Variants in CLIP2 observed in about 807,000 individuals in gnomAD.
The protein encoded by CLIP2 is CAP-Gly domain containing linker protein 2, also known as CAP-Gly domain-containing linker protein 2.
CLIP2 carries 41 observed loss-of-function variants against 111.7 expected under a neutral mutation model. The observed-to-expected ratio is 0.37, with a 90% CI of 0.29 to 0.48. The LOEUF is 0.48. Among genes scored for constraint, CLIP2 ranks in the 20% least tolerant of loss-of-function variants. CLIP2 has a pLI of 0.99. For synonymous variants in CLIP2, 660 were observed against 644.2 expected (o/e 1.02, Z -0.37); for missense variants, 1,160 against 1,422.1 (o/e 0.82, Z 2.96).
Position 74,353,886 on chromosome 7 carries a change from G to T in CLIP2, c.685G>T (p.Gly229Trp), listed in dbSNP as rs782481975. The T allele has an allele frequency of 6.2e-7, 1 of 1,614,062 alleles. No homozygotes were observed. The highest frequency in any genetic ancestry group is 8.5e-7 in the Non-Finnish European group (1 of 1,180,034). ...LRLGDRVLVG[G>W]TKTGVVRYVG... ...TCTCCCTGTGTGCCGACAGGTTGGC[G>T]GGACGAAGACTGGCGTGGTGCGGTA... The change falls in exon 4 of 17, where the codon GGG becomes TGG. Residue 229 changes from glycine (G) to tryptophan (W), a missense_variant. Physicochemically the swap from Gly to Trp is radical, Grantham distance 184 (BLOSUM62 -2). Transcript: ENST00000223398.
chr7:74,309,157 C>T (rs1788574611), intron 1 of CLIP2, among the ~76,000 whole-genome samples: 1 of 151,924 alleles, frequency 6.6e-6, no homozygotes, highest in East Asian at 2.0e-4. Context: ...GTATAAGCCA[C>T]TATGCCCGGC....
At chr7:74,298,616 T>C (rs1788239405) in intron 1 of CLIP2, among the ~76,000 whole-genome samples, 1 of 152,018 alleles carries the variant, frequency 6.6e-6, no homozygotes, top group African/African-American at 2.4e-5. Flanking sequence ...CACTGCGGCC[T>C]CCGCCTCCTG....
At chr7:74,402,315 G>A (rs1467816102) in intron 16 of CLIP2, among the ~76,000 whole-genome samples, 2 of 141,032 alleles carry the variant, frequency 1.4e-5, no homozygotes, top group East Asian at 2.1e-4. Flanking sequence ...GGGCGACAGA[G>A]CGAGACTCCA....
At position 74,349,472 on chromosome 7, in the gene CLIP2, A is replaced by G. The variant is rs1229673645; in HGVS notation, c.679-4408A>G. 7.8e-3 allele frequency among the ~76,000 whole-genome samples: 481 copies of G among 61,408 alleles called. 2 individuals carry two copies. Among genetic ancestry groups the G allele is most frequent in the African/African-American group, 0.024 (256 of 10,596 alleles). 40.3% of individuals were successfully genotyped at this position (61,408 alleles called of 152,430 possible). A position where few individuals can be genotyped will look rare whatever the true frequency, so the allele number is the denominator to read the frequency against. On this transcript the variant is annotated intron_variant, in intron 3 of 16. Transcript: ENST00000223398. Reference sequence around the variant, plus strand: ...AGTATGTATGTGTGTGTGTGTGTGTATATATATATATATATATATATATAT... The same window carrying G: ...AGTATGTATGTGTGTGTGTGTGTGTGTATATATATATATATATATATATAT...
chr7:74,396,191 A>T (rs563509297), intron 13 of CLIP2, among the ~76,000 whole-genome samples: 2 of 152,290 alleles, frequency 1.3e-5, no homozygotes, highest in African/African-American at 4.8e-5. Flanking sequence ...CATTATCATC[A>T]TAGTACTCCA....
Position 74,376,931 on chromosome 7 carries a change from G to A in CLIP2, c.2421+109G>A. ...GGAAGCATTTCCCTTGTCCCCGAGA[G>A]CATGCCTGGGGCAGTCAAGGAAGGG... is the stretch of plus-strand genomic sequence containing the variant. On this transcript the variant is annotated intron_variant, in intron 10 of 16. Coordinates refer to ENST00000223398, the MANE Select transcript of CLIP2 (RefSeq NM_003388.5). The surrounding 1 kb of genome is among the most constrained non-coding windows in gnomAD (Gnocchi z 7.1). 1 of 1,132,808 alleles carries A rather than the reference G, an allele frequency of 8.8e-7. No homozygotes were observed. The highest frequency in any genetic ancestry group is 1.2e-6 in the Non-Finnish European group (1 of 823,094). 70.2% of individuals were successfully genotyped at this position (1,132,808 alleles called of 1,614,324 possible). A position where few individuals can be genotyped will look rare whatever the true frequency, so the allele number is the denominator to read the frequency against.
Position 74,399,936 on chromosome 7 carries a change from C to T in CLIP2, c.2881-434C>T, listed in dbSNP as rs565218019. Reference sequence around the variant, plus strand: ...TTGGGAAGCCGAGGCGGGTGGATCACGAGGTCAGGAGATTGAGACCATCCT... The same window carrying T: ...TTGGGAAGCCGAGGCGGGTGGATCATGAGGTCAGGAGATTGAGACCATCCT... On this transcript the variant is annotated intron_variant, in intron 14 of 16. Coordinates refer to ENST00000223398, the MANE Select transcript of CLIP2 (RefSeq NM_003388.5). Among the ~76,000 whole-genome samples the T allele has an allele frequency of 7.3e-5, 11 of 151,364 alleles. No individual in the cohort carries two copies. In the South Asian group the frequency reaches 1.5e-3, roughly 20 times the overall value.
At position 74,356,664 on chromosome 7, in the gene CLIP2, T is replaced by C. The variant is rs1203961688; in HGVS notation, c.1017+41T>C. On this transcript the variant is annotated intron_variant, in intron 5 of 16. Coordinates refer to ENST00000223398, the MANE Select transcript of CLIP2 (RefSeq NM_003388.5). ...CAGAAGGGGATTCTCTGGTGTGCGT[T>C]TGGGAGGGGTGAGGATGTAAGAGAT... The C allele has an allele frequency of 3.2e-6, 5 of 1,555,520 alleles. No homozygotes were observed. The African/African-American group carries it at 4.1e-5, about 13-fold the overall frequency.
intron 8 of CLIP2, among the ~76,000 whole-genome samples, chr7:74,369,012 A>G (rs1359735053): frequency 6.6e-6 from 1 of 152,214 alleles, no homozygotes; most frequent in Non-Finnish European, 1.5e-5. Flanking sequence ...GCCAGGAGTT[A>G]GAGACCAGTC....
intron 3 of CLIP2, among the ~76,000 whole-genome samples, chr7:74,340,547 C>T (rs1789629951): frequency 6.6e-6 from 1 of 152,116 alleles, no homozygotes; most frequent in African/African-American, 2.4e-5. Context: ...TGCCAGGGGC[C>T]CCTCTTCTCC....
intron 8 of CLIP2, among the ~76,000 whole-genome samples, chr7:74,368,036 G>A (rs183398722): frequency 2.6e-5 from 4 of 152,268 alleles, no homozygotes; most frequent in African/African-American, 9.6e-5. Flanking sequence ...AACATAGGGA[G>A]ACCTTGTCTC....
intron 8 of CLIP2, among the ~76,000 whole-genome samples, chr7:74,366,372 T>C (rs1307382680): frequency 2.0e-5 from 3 of 152,166 alleles, no homozygotes; most frequent in Non-Finnish European, 4.4e-5. Context: ...CCCTGAGAGC[T>C]TCCAGTCTGT....
At chr7:74,370,209 C>A (rs1470432005) in intron 8 of CLIP2, among the ~76,000 whole-genome samples, 2 of 147,650 alleles carry the variant, frequency 1.4e-5, no homozygotes, top group African/African-American at 5.0e-5. Context: ...GTAATCCCAG[C>A]ACTTTGGGAG....
chr7:74,317,385 C>A, intron 1 of CLIP2, 95 bp from the exon 2 acceptor site: 1 of 852,540 alleles, frequency 1.2e-6, no homozygotes, highest in Non-Finnish European at 1.6e-6. Flanking sequence ...CCTCGTCCAG[C>A]CCACCTCAGG....
At chr7:74,355,506 A>T (rs1554308317) in intron 4 of CLIP2, among the ~76,000 whole-genome samples, 1 of 152,166 alleles carries the variant, frequency 6.6e-6, no homozygotes, top group Non-Finnish European at 1.5e-5. Context: ...GCTACCTGGG[A>T]GGCTGAGGTG....
intron 13 of CLIP2, among the ~76,000 whole-genome samples, chr7:74,389,880 C>T (rs1487963158): frequency 6.6e-6 from 1 of 150,480 alleles, no homozygotes; most frequent in Non-Finnish European, 1.5e-5. Flanking sequence ...ACCTGGGTGA[C>T]CAGAGCAAGA....
intron 3 of CLIP2, among the ~76,000 whole-genome samples, chr7:74,353,094 T>A (rs1790052181): frequency 6.6e-6 from 1 of 151,802 alleles, no homozygotes; most frequent in Non-Finnish European, 1.5e-5. Context: ...GAGGCTACAG[T>A]GAGCTATGAT....
At chr7:74,398,245 G>A (rs1246063378) in intron 14 of CLIP2, among the ~76,000 whole-genome samples, 3 of 152,008 alleles carry the variant, frequency 2.0e-5, no homozygotes, top group African/African-American at 7.2e-5. Flanking sequence ...TGTAATCCCA[G>A]CTACTTGGGA....
intron 6 of CLIP2, among the ~76,000 whole-genome samples, chr7:74,359,258 C>T (rs531755941): frequency 2.7e-5 from 4 of 150,912 alleles, no homozygotes; most frequent in East Asian, 2.0e-4. Flanking sequence ...TGTGAGCCAC[C>T]GTGCCCGGCC....
Sources: gnomAD v4.1 joint callset for allele counts (sites outside exome capture counted in the v4.1 genomes callset) on GRCh38, gnomAD v4.1.1 for gene constraint, Gnocchi (gnomAD v3.1) non-coding constraint, MANE v1.5 for transcripts, NCBI Gene and HGNC (gene_info 2026-07-23, HGNC 2026-07-21) for gene names.